The following VEPH1 variants were observed in gnomAD, a reference collection of about 807,000 sequenced individuals.
VEPH1 encodes the protein ventricular zone-expressed PH domain-containing protein homolog 1.
Under a neutral mutation model 85.2 loss-of-function variants are expected in VEPH1, and 80 were observed. The ratio of observed to expected loss-of-function variants is 0.94; its 90% CI spans 0.78 to 1.13. The LOEUF (loss-of-function observed/expected upper bound fraction) is 1.13, where lower values mean the gene tolerates loss of function less well. VEPH1 is among the 50% of genes most tolerant of loss of function. The pLI, the probability that VEPH1 is intolerant of heterozygous loss-of-function variation, is 0.00. For synonymous variants in VEPH1, 297 were observed against 348.0 expected (o/e 0.85, Z 1.63); for missense variants, 955 against 980.5 (o/e 0.97, Z 0.35).
intron 11 of VEPH1, among the ~76,000 whole-genome samples, chr3:157,300,439 G>A (rs1274198988): frequency 6.6e-6 from 1 of 152,112 alleles, no homozygotes; most frequent in Non-Finnish European, 1.5e-5. Context: ...AGGACAGTCT[G>A]GCTTGTGAAA....
chr3:157,442,639 A>G (rs919038712), intron 4 of VEPH1: 2 of 1,614,208 alleles, frequency 1.2e-6, no homozygotes. Flanking sequence ...AGGTGGACCC[A>G]CCTGTGCGGC....
intron 12 of VEPH1, among the ~76,000 whole-genome samples, chr3:157,271,385 A>G (rs1330200385): frequency 6.6e-6 from 1 of 152,106 alleles, no homozygotes; most frequent in Non-Finnish European, 1.5e-5. Context: ...GCAGTGGAGG[A>G]GAGTTAATAG....
Position 157,495,257 on chromosome 3 carries a change from G to T in VEPH1, c.93C>A (p.Ser31Arg), listed in dbSNP as rs1479412974. 1.2e-6 allele frequency: 2 copies of T among 1,613,992 alleles called. No individual in the cohort carries two copies. Among genetic ancestry groups the T allele is most frequent in the Non-Finnish European group, 1.7e-6 (2 of 1,179,914 alleles). The change falls in exon 2 of 14, where the codon AGC becomes AGA. Residue 31 changes from serine to arginine, a missense_variant. Transcript: ENST00000362010. ...TAATTTGCTCCAAAGCTTCTGTAAG[G>T]CTGTCTTCAATCTCAGAGTCATCTA... Reference protein sequence around the residue: ...FSLDDSEIEDSLTEALEQIKI... With the variant: ...FSLDDSEIEDRLTEALEQIKI...
chr3:157,414,522 T>C (rs745919517), intron 5 of VEPH1, among the ~76,000 whole-genome samples: 2 of 152,158 alleles, frequency 1.3e-5, no homozygotes, highest in Non-Finnish European at 2.9e-5. Context: ...TTAGAAATGT[T>C]TAATAAATAA....
At chr3:157,387,635 A>G (rs1729440499) in intron 6 of VEPH1, among the ~76,000 whole-genome samples, 1 of 152,166 alleles carries the variant, frequency 6.6e-6, no homozygotes. Flanking sequence ...AGCTGATGAT[A>G]GCATTCTTTC....
intron 4 of VEPH1, among the ~76,000 whole-genome samples, chr3:157,452,193 G>T (rs114703541): frequency 0.012 from 1,895 of 152,150 alleles, 45 homozygotes; most frequent in African/African-American, 0.04. Flanking sequence ...TGCAGGGGAG[G>T]GCAGCCAAGC....
rs9812789 is a variant in VEPH1 at position 157,377,762 on chromosome 3, G to A, written c.1127+3394C>T. On this transcript the variant is annotated intron_variant, in intron 7 of 13. Coordinates refer to ENST00000362010, the MANE Select transcript of VEPH1 (RefSeq NM_001167912.2). ...TTTCCTGACGTCTCCCAGCCATGCC[G>A]AACTGTGAGTTAATTAAACCTCTAT... Among the ~76,000 whole-genome samples, 858 of 152,194 alleles carry A rather than the reference G, an allele frequency of 5.6e-3. 7 individuals carry two copies. The highest frequency in any genetic ancestry group is 0.017 in the African/African-American group (715 of 41,498).
At chr3:157,301,970 T>C (rs1458875536) in intron 11 of VEPH1, among the ~76,000 whole-genome samples, 1 of 152,164 alleles carries the variant, frequency 6.6e-6, no homozygotes, top group Non-Finnish European at 1.5e-5. Flanking sequence ...AACTTCAGAT[T>C]CGGATGTCTG....
intron 5 of VEPH1, 52 bp from the exon 6 acceptor site, chr3:157,414,142 G>A (rs1464794281): frequency 1.4e-6 from 2 of 1,404,846 alleles, no homozygotes; most frequent in African/African-American, 2.9e-5. Flanking sequence ...AAAGAGAAAA[G>A]TTAATTAAAT....
intron 11 of VEPH1, among the ~76,000 whole-genome samples, chr3:157,292,643 G>T (rs886548558): frequency 6.6e-6 from 1 of 151,474 alleles, no homozygotes; most frequent in Non-Finnish European, 1.5e-5. Context: ...AGTGAGCTGA[G>T]ATCTCACCAC....
At chr3:157,351,998 A>G (rs1193523883) in intron 9 of VEPH1, among the ~76,000 whole-genome samples, 1 of 152,204 alleles carries the variant, frequency 6.6e-6, no homozygotes, top group African/African-American at 2.4e-5. Context: ...TAATTGCTCT[A>G]TTGTTATGTT....
At chr3:157,403,357 T>C (rs919539235) in intron 6 of VEPH1, among the ~76,000 whole-genome samples, 1 of 152,166 alleles carries the variant, frequency 6.6e-6, no homozygotes, top group African/African-American at 2.4e-5. Flanking sequence ...ACCCTCTCCC[T>C]TTATACAGGA....
At position 157,263,044 on chromosome 3, in the gene VEPH1, T is replaced by C. The variant is rs182620321; in HGVS notation, c.2266-1674A>G. On this transcript the variant is annotated intron_variant, in intron 13 of 13. Transcript: ENST00000362010. The stretch of plus-strand genomic sequence containing the variant: ...CTATTGCCTAGCTAGTTTGTGGAGA[T>C]CAAGGTCTTAAAAATGCAAAAGTGA... Among the ~76,000 whole-genome samples, 268 of 152,290 alleles carry C rather than the reference T, an allele frequency of 1.8e-3. 2 individuals are homozygous for C. The highest frequency in any genetic ancestry group is 1.5e-3 in the East Asian group (8 of 5,184).
At chr3:157,411,646 C>G (rs1731540156) in intron 6 of VEPH1, among the ~76,000 whole-genome samples, 1 of 152,122 alleles carries the variant, frequency 6.6e-6, no homozygotes, top group South Asian at 2.1e-4. Flanking sequence ...TCCTGATATC[C>G]AGATATACTT....
At chr3:157,444,046 A>G (rs973208111) in intron 4 of VEPH1, among the ~76,000 whole-genome samples, 34 of 152,126 alleles carry the variant, frequency 2.2e-4, no homozygotes, top group African/African-American at 7.5e-4. Flanking sequence ...AGCACACCCC[A>G]TTCTCTTCCT....
chr3:157,289,314 C>T (rs1372438995), intron 11 of VEPH1, among the ~76,000 whole-genome samples: 15 of 152,154 alleles, frequency 9.9e-5, no homozygotes, highest in Admixed American at 2.0e-4. Context: ...CAGTTTGTTG[C>T]GCATAATCCA....
At chr3:157,409,861 A>G (rs1731407690) in intron 6 of VEPH1, 1 of 985,302 alleles carries the variant, frequency 1.0e-6, no homozygotes, top group African/African-American at 1.7e-5. Flanking sequence ...GAAGATTGCA[A>G]ACCCACAGGA....
chr3:157,482,863 C>T (rs916836187), intron 2 of VEPH1, among the ~76,000 whole-genome samples: 4 of 152,028 alleles, frequency 2.6e-5, no homozygotes, highest in Non-Finnish European at 2.9e-5. Flanking sequence ...TTACTGAAGT[C>T]GTTTATCAGT....
intron 7 of VEPH1, among the ~76,000 whole-genome samples, chr3:157,380,137 C>A (rs905418880): frequency 7.9e-5 from 12 of 152,290 alleles, no homozygotes; most frequent in Admixed American, 1.3e-4. Context: ...TCTCTGCAAG[C>A]CCCATCACCC....
Sources: allele counts gnomAD v4.1 joint callset (sites outside exome capture counted in the v4.1 genomes callset), GRCh38; gene constraint gnomAD v4.1.1; transcripts MANE v1.5; gene names NCBI Gene and HGNC (gene_info 2026-07-23, HGNC 2026-07-21).